EEPD1: variants seen among roughly 807,000 people sequenced by gnomAD.
EEPD1 encodes the protein endonuclease/exonuclease/phosphatase family domain containing 1.
A neutral mutation model predicts 46.3 loss-of-function variants in EEPD1; 17 were observed. The ratio of observed to expected loss-of-function variants is 0.37; its 90% confidence interval spans 0.25 to 0.55. EEPD1 has a LOEUF of 0.55. EEPD1 is among the 20% of genes least tolerant of loss of function. The pLI, the probability that EEPD1 is intolerant of heterozygous loss-of-function variation, is 0.83. For synonymous variants in EEPD1, 313 were observed against 315.6 expected (o/e 0.99, Z 0.09); for missense variants, 673 against 745.6 (o/e 0.90, Z 1.13).
chr7:36,188,193 T>C (rs1268077848), intron 2 of EEPD1, among the ~76,000 whole-genome samples: 1 of 151,946 alleles, frequency 6.6e-6, no homozygotes, highest in Non-Finnish European at 1.5e-5. Flanking sequence ...ATGAGTCTCT[T>C]TCTCTATCTT....
At chr7:36,172,985 T>C (rs1785115331) in intron 2 of EEPD1, among the ~76,000 whole-genome samples, 1 of 152,064 alleles carries the variant, frequency 6.6e-6, no homozygotes, top group African/African-American at 2.4e-5. Context: ...GTAGATAGTA[T>C]AGAAACAGAA....
At chr7:36,195,171 G>A (rs1371899892) in intron 2 of EEPD1, among the ~76,000 whole-genome samples, 2 of 152,204 alleles carry the variant, frequency 1.3e-5, no homozygotes, top group Non-Finnish European at 2.9e-5. Context: ...TAACGTGGGA[G>A]GGGAACAGGC....
intron 6 of EEPD1, among the ~76,000 whole-genome samples, chr7:36,290,222 C>A (rs150365766): frequency 4.4e-4 from 67 of 152,310 alleles, no homozygotes; most frequent in African/African-American, 1.6e-3. Flanking sequence ...ACCATCCCCC[C>A]ACCCCACCCC....
intron 2 of EEPD1, 109 bp downstream of exon 2, chr7:36,155,311 T>C: frequency 7.8e-7 from 1 of 1,290,092 alleles, no homozygotes; most frequent in Non-Finnish European, 1.0e-6. Context: ...GGTGCAAGAG[T>C]TTTTAATCAA....
At chr7:36,166,963 G>T (rs1784992438) in intron 2 of EEPD1, among the ~76,000 whole-genome samples, 1 of 152,148 alleles carries the variant, frequency 6.6e-6, no homozygotes, top group Admixed American at 6.5e-5. Flanking sequence ...TTGTCTCACA[G>T]TTCTGGAGGC....
intron 3 of EEPD1, among the ~76,000 whole-genome samples, chr7:36,261,550 A>T (rs553322246): frequency 6.6e-6 from 1 of 152,330 alleles, no homozygotes; most frequent in African/African-American, 2.4e-5. Flanking sequence ...AATACCACTT[A>T]TCAGAAAATG....
chr7:36,219,806 A>AGAGAGT (rs1341203087), intron 2 of EEPD1, among the ~76,000 whole-genome samples: 23 of 75,438 alleles, frequency 3.0e-4, no homozygotes, highest in African/African-American at 9.1e-4. Context: ...AGAGAGAGAG[A>AGAGAGT]GTGTGTGTGT....
At position 36,199,701 on chromosome 7, in the gene EEPD1, C is replaced by G. The variant is rs550742554; in HGVS notation, c.879-39284C>G. Reference sequence around the variant, plus strand: ...TTCGACCCTAAAATGGGGGTAAGACCTCTTGCTTTACCCCTTGCTGAGACA... The same window carrying G: ...TTCGACCCTAAAATGGGGGTAAGACGTCTTGCTTTACCCCTTGCTGAGACA... On this transcript the variant is annotated intron_variant, in intron 2 of 7. Coordinates refer to ENST00000242108, the MANE Select transcript of EEPD1 (RefSeq NM_030636.3). Among the ~76,000 whole-genome samples the G allele has an allele frequency of 7.9e-5, 12 of 152,234 alleles. No individual in the cohort carries two copies. In the South Asian group the frequency reaches 1.7e-3, roughly 21 times the overall value.
chr7:36,195,371 C>T (rs1391457787), intron 2 of EEPD1, among the ~76,000 whole-genome samples: 1 of 152,228 alleles, frequency 6.6e-6, no homozygotes. Flanking sequence ...CAATGCCTCA[C>T]TGCCTGCCTC....
rs192812380 is a variant in EEPD1, at chr7:36,223,066, G to A, written c.879-15919G>A. Among the ~76,000 whole-genome samples the A allele has an allele frequency of 5.0e-3, 753 of 152,094 alleles. 4 individuals are homozygous for A. Among genetic ancestry groups the A allele is most frequent in the African/African-American group, 0.017 (717 of 41,474 alleles). On this transcript the variant is annotated intron_variant, in intron 2 of 7. Coordinates refer to ENST00000242108, the MANE Select transcript of EEPD1 (RefSeq NM_030636.3). ...CTTGGGAGGCTGAGACAGGAGAATCGCTTGAACCCGGGAGGCAGAGGTTGC... is the reference window on the plus strand; with the variant it reads ...CTTGGGAGGCTGAGACAGGAGAATCACTTGAACCCGGGAGGCAGAGGTTGC...
At chr7:36,206,234 A>G (rs1372555907) in intron 2 of EEPD1, among the ~76,000 whole-genome samples, 2 of 152,100 alleles carry the variant, frequency 1.3e-5, no homozygotes, top group Non-Finnish European at 2.9e-5. Flanking sequence ...GTCAGAGAGA[A>G]CAGTTCTCAG....
chr7:36,218,048 G>T (rs1786061964), intron 2 of EEPD1, among the ~76,000 whole-genome samples: 2 of 152,172 alleles, frequency 1.3e-5, no homozygotes, highest in African/African-American at 4.8e-5. Flanking sequence ...TCTTAAGATG[G>T]TGGCAATGAG....
chr7:36,252,518 T>C (rs1003178506), intron 3 of EEPD1, among the ~76,000 whole-genome samples: 1 of 152,234 alleles, frequency 6.6e-6, no homozygotes, highest in African/African-American at 2.4e-5. Flanking sequence ...CTCCTTGAGA[T>C]GCCCTCTTTT....
At chr7:36,226,109 C>T (rs1786228463) in intron 2 of EEPD1, among the ~76,000 whole-genome samples, 2 of 152,124 alleles carry the variant, frequency 1.3e-5, no homozygotes, top group Admixed American at 1.3e-4. Context: ...GGAAAGACAA[C>T]CAAATGCCTG....
At chr7:36,204,004 T>C (rs949249428) in intron 2 of EEPD1, among the ~76,000 whole-genome samples, 12 of 151,720 alleles carry the variant, frequency 7.9e-5, no homozygotes, top group Non-Finnish European at 1.3e-4. Flanking sequence ...TTTTCCTATG[T>C]CAAATGCCCT....
chr7:36,247,770 A>G (rs1260297079), intron 3 of EEPD1, among the ~76,000 whole-genome samples: 1 of 152,188 alleles, frequency 6.6e-6, no homozygotes, highest in Admixed American at 6.5e-5. Context: ...TCTGAACATC[A>G]GCCTTAGCAG....
At chr7:36,161,036 A>T (rs1371808226) in intron 2 of EEPD1, among the ~76,000 whole-genome samples, 1 of 152,176 alleles carries the variant, frequency 6.6e-6, no homozygotes, top group African/African-American at 2.4e-5. Context: ...TCCATAGCAG[A>T]TGGAGTATGA....
chr7:36,297,135 G>C lies in EEPD1; in HGVS notation c.1458G>C (p.Ser486=). The C allele has an allele frequency of 6.2e-7, 1 of 1,614,162 alleles. No individual in the cohort carries two copies. The highest frequency in any genetic ancestry group is 8.5e-7 in the Non-Finnish European group (1 of 1,180,034). Residue 486 remains serine, a synonymous_variant, in exon 7 of 8, where the codon TCG becomes TCC. Coordinates refer to ENST00000242108, the MANE Select transcript of EEPD1 (RefSeq NM_030636.3). ...TNISTKNPQG[S]KSLDNIWISK... ...TCAGCACCAAGAACCCTCAAGGCTCGAAGTCTCTGGACAACATCTGGATCA... is the reference window on the plus strand; with the variant it reads ...TCAGCACCAAGAACCCTCAAGGCTCCAAGTCTCTGGACAACATCTGGATCA...
At chr7:36,200,883 G>T (rs1013983317) in intron 2 of EEPD1, among the ~76,000 whole-genome samples, 1 of 152,124 alleles carries the variant, frequency 6.6e-6, no homozygotes, top group Non-Finnish European at 1.5e-5. Flanking sequence ...GTTTCTTTCT[G>T]CAAGATGCTT....
Sources: allele counts gnomAD v4.1 joint callset (sites outside exome capture counted in the v4.1 genomes callset), GRCh38; gene constraint gnomAD v4.1.1; transcripts MANE v1.5; gene names NCBI Gene and HGNC (gene_info 2026-07-23, HGNC 2026-07-21).